Variants in ERI3 observed in about 807,000 individuals in gnomAD.
The protein encoded by ERI3 is ERI1 exoribonuclease 3.
Under a neutral mutation model 44.4 loss-of-function variants are expected in ERI3, and 18 were observed. The observed-to-expected ratio is 0.41, with a 90% CI of 0.28 to 0.60. The LOEUF is 0.60. Among genes scored for constraint, ERI3 ranks in the 20% least tolerant of loss-of-function variants. The pLI, the probability that ERI3 is intolerant of heterozygous loss-of-function variation, is 0.36. For synonymous variants in ERI3, 183 were observed against 164.8 expected, an observed-to-expected ratio of 1.11 and a Z score of -0.84; for missense variants, 294 against 435.5, an observed-to-expected ratio of 0.68 and a Z score of 2.89.
At chr1:44,249,128 C>T (rs190923978) in intron 7 of ERI3, among the ~76,000 whole-genome samples, 9 of 152,308 alleles carry the variant, frequency 5.9e-5, no homozygotes, top group Non-Finnish European at 1.3e-4. Flanking sequence ...CCGGGTAGGC[C>T]TGGTAGCTAG....
chr1:44,354,113 ACT>A (rs1646949535), intron 1 of ERI3: 22 of 985,384 alleles, frequency 2.2e-5, no homozygotes, highest in Non-Finnish European at 2.5e-5. Context: ...TCTGGAAGAA[ACT>A]CTACAATCAA....
chr1:44,339,420 T>C (rs574914866), intron 2 of ERI3, 98 bp from the exon 3 acceptor site: 92 of 1,297,442 alleles, frequency 7.1e-5, no homozygotes, highest in Non-Finnish European at 8.9e-5. Context: ...ACTGTGGCCC[T>C]GTTCCATCTA....
At chr1:44,313,066 CCATAAT>C (rs1646007761) in intron 5 of ERI3, 97 bp downstream of exon 5, 1 of 977,834 alleles carries the variant, frequency 1.0e-6, no homozygotes, top group Admixed American at 1.9e-5. Context: ...TCTAATCAAG[CCATAAT>C]CATAGTCAAA....
intron 8 of ERI3, among the ~76,000 whole-genome samples, chr1:44,245,260 G>A (rs568324623): frequency 6.6e-6 from 1 of 152,216 alleles, no homozygotes; most frequent in East Asian, 1.9e-4. Flanking sequence ...GCCTCTCCCA[G>A]CCCAATTAAT....
intron 2 of ERI3, among the ~76,000 whole-genome samples, chr1:44,341,146 G>A (rs1646645044): frequency 6.6e-6 from 1 of 152,182 alleles, no homozygotes; most frequent in African/African-American, 2.4e-5. Flanking sequence ...AAGCAATTAA[G>A]CATGATGAGT....
intron 7 of ERI3, among the ~76,000 whole-genome samples, chr1:44,273,939 T>C (rs937758662): frequency 6.6e-6 from 1 of 152,152 alleles, no homozygotes; most frequent in Non-Finnish European, 1.5e-5. Flanking sequence ...GAGATAGGAA[T>C]GGTGCAATGA....
At chr1:44,338,345 G>A (rs992759600) in intron 3 of ERI3, among the ~76,000 whole-genome samples, 13 of 152,156 alleles carry the variant, frequency 8.5e-5, no homozygotes, top group Admixed American at 7.2e-4. Context: ...CATGTCCACC[G>A]GGGCTGCAGT....
chr1:44,338,796 A>G (rs922800806), intron 3 of ERI3, among the ~76,000 whole-genome samples: 5 of 152,170 alleles, frequency 3.3e-5, no homozygotes, highest in African/African-American at 1.2e-4. Context: ...GGACGGGAGA[A>G]GGAAATATTT....
chr1:44,225,621 A>G (rs1249197686), intron 8 of ERI3, among the ~76,000 whole-genome samples: 4 of 152,206 alleles, frequency 2.6e-5, no homozygotes, highest in Non-Finnish European at 5.9e-5. Context: ...AGGAAAGACA[A>G]GCTTGTTGGC....
chr1:44,350,338 T>G (rs985279757), intron 2 of ERI3, among the ~76,000 whole-genome samples: 1 of 152,054 alleles, frequency 6.6e-6, no homozygotes, highest in Non-Finnish European at 1.5e-5. Flanking sequence ...CTCGGCTCAC[T>G]GCAACCTCCA....
At chr1:44,222,441 C>T (rs1643923752) in intron 8 of ERI3, among the ~76,000 whole-genome samples, 1 of 152,230 alleles carries the variant, frequency 6.6e-6, no homozygotes, top group African/African-American at 2.4e-5. Context: ...CTGCCCATAC[C>T]TCATGTGGAA....
chr1:44,344,717 T>C (rs1646750530), intron 2 of ERI3, among the ~76,000 whole-genome samples: 1 of 152,254 alleles, frequency 6.6e-6, no homozygotes, highest in South Asian at 2.1e-4. Context: ...AAGTTTATGA[T>C]TCTGCCTATT....
rs1009118389 is a variant in ERI3 at position 44,351,395 on chromosome 1, T to C, written c.211+1455A>G. ...CTGCTTAAAACCCTTTAATGGCTTC[T>C]TACTGTTCTTAAATCTGATCCAGAG... On this transcript the variant is annotated intron_variant, in intron 2 of 8. Transcript: ENST00000372257. 3.9e-5 allele frequency among the ~76,000 whole-genome samples: 6 copies of C among 152,316 alleles called. No individual in the cohort carries two copies. In the East Asian group the frequency reaches 1.2e-3, roughly 29 times the overall value.
chr1:44,354,619 A>G lies in ERI3; in HGVS notation c.135+273T>C, dbSNP rs1646960496. 3.0e-6 allele frequency: 3 copies of G among 985,116 alleles called. No homozygotes were observed. In the African/African-American group the frequency reaches 5.2e-5, roughly 17 times the overall value. 61.0% of individuals were successfully genotyped at this position (985,116 alleles called of 1,614,324 possible). On this transcript the variant is annotated intron_variant, in intron 1 of 8. Coordinates refer to ENST00000372257, the MANE Select transcript of ERI3 (RefSeq NM_024066.3). ...GGGTCAAGGGAATGTTCTACCCACA[A>G]TCTCCATGCTCCATTTCTAGCCTCT...
chr1:44,324,089 G>A (rs1557852092), intron 3 of ERI3, among the ~76,000 whole-genome samples: 1 of 152,176 alleles, frequency 6.6e-6, no homozygotes, highest in East Asian at 1.9e-4. Flanking sequence ...ATCAGGGAAG[G>A]CAGGAACCAT....
rs1307838389 is a variant in ERI3, at chr1:44,252,635, T to C, written c.832-4597A>G. Among the ~76,000 whole-genome samples, 1 of 152,188 alleles carries C rather than the reference T, an allele frequency of 6.6e-6. No individual in the cohort carries two copies. The highest frequency in any genetic ancestry group is 2.4e-5 in the African/African-American group (1 of 41,438). ...ATCACAAACACGGCGCCCGGCGGCT[T>C]ATGGGGGCTTAGCAGCTGCGACAAG... On this transcript the variant is annotated intron_variant, in intron 7 of 8. Transcript: ENST00000372257. This position sits in a 1 kb window ranked among gnomAD's most constrained non-coding sequence, Gnocchi z 4.7.
At chr1:44,338,589 C>T (rs1646581896) in intron 3 of ERI3, among the ~76,000 whole-genome samples, 1 of 152,190 alleles carries the variant, frequency 6.6e-6, no homozygotes, top group African/African-American at 2.4e-5. Flanking sequence ...AGAAGTCGTA[C>T]ATTATCTCTT....
chr1:44,311,544 T>C (rs1645973421), intron 5 of ERI3, among the ~76,000 whole-genome samples: 1 of 152,164 alleles, frequency 6.6e-6, no homozygotes, highest in East Asian at 1.9e-4. Context: ...AAGTAGCTTC[T>C]TGGGTGAGAC....
chr1:44,259,601 G>T lies in ERI3; in HGVS notation c.832-11563C>A, dbSNP rs1408585730. On this transcript the variant is annotated intron_variant, in intron 7 of 8. Transcript: ENST00000372257. ...TCATGCCTATAATCCCAGCACTGTG[G>T]GAGGCTGAGTGGGGAGGACTAATTG... Among the ~76,000 whole-genome samples, 3 of 151,790 alleles carry T rather than the reference G, an allele frequency of 2.0e-5. No individual in the cohort carries two copies. The East Asian group carries it at 5.8e-4, about 29-fold the overall frequency.
Sources: allele counts gnomAD v4.1 joint callset (sites outside exome capture counted in the v4.1 genomes callset), GRCh38; gene constraint gnomAD v4.1.1; non-coding constraint Gnocchi (gnomAD v3.1); transcripts MANE v1.5; gene names NCBI Gene and HGNC (gene_info 2026-07-23, HGNC 2026-07-21).